The following VWCE variants were observed in gnomAD, a reference collection of about 807,000 sequenced individuals.
VWCE encodes the protein von Willebrand factor C and EGF domain-containing protein.
A neutral mutation model predicts 102.9 loss-of-function variants in VWCE; 68 were observed. The ratio of observed to expected loss-of-function variants is 0.66; its 90% CI spans 0.54 to 0.81. The LOEUF (loss-of-function observed/expected upper bound fraction) is 0.81. VWCE is among the 30% of genes least tolerant of loss of function. VWCE has a pLI of 0.00. For missense variants in VWCE, 1,137 were observed against 1,263.6 expected (o/e 0.90, Z 1.52); for synonymous variants, 497 against 515.4 (o/e 0.96, Z 0.48).
chr11:61,265,492 A>G (rs1404143137), intron 16 of VWCE, among the ~76,000 whole-genome samples: 1 of 152,148 alleles, frequency 6.6e-6, no homozygotes, highest in Admixed American at 6.5e-5. Flanking sequence ...ATAAGCACCA[A>G]AACCCGATAG....
intron 11 of VWCE, among the ~76,000 whole-genome samples, chr11:61,276,079 T>C (rs1854895161): frequency 1.3e-5 from 2 of 152,166 alleles, no homozygotes; most frequent in South Asian, 4.1e-4. Flanking sequence ...CTCCATCGCA[T>C]ACTCAAAAGA....
chr11:61,274,621 TG>T (rs781665403), intron 11 of VWCE, 37 bp from the exon 12 acceptor site: 1 of 1,605,562 alleles, frequency 6.2e-7, no homozygotes, highest in African/African-American at 1.3e-5. Context: ...TCAAGGTCTT[TG>T]GGCAGAGGCA....
chr11:61,283,990 A>G (rs1003492348), intron 5 of VWCE, among the ~76,000 whole-genome samples: 11 of 152,300 alleles, frequency 7.2e-5, no homozygotes, highest in African/African-American at 7.2e-5. Context: ...AGGCAAGTCT[A>G]TTTACCCTGA....
rs1854716803 is a variant in VWCE at position 61,271,861 on chromosome 11, ATCAC to A, written c.1700-105_1700-102del. On this transcript the variant is annotated intron_variant, in intron 13 of 19. Coordinates refer to ENST00000335613, the MANE Select transcript of VWCE (RefSeq NM_152718.2). ...CGCACAAACACACACAGACACCGAT[ATCAC>A]TCACACACGGACACACAAACTTACA... 23 of 1,007,946 alleles carry A rather than the reference ATCAC, an allele frequency of 2.3e-5. No homozygotes were observed. In the South Asian group the frequency reaches 3.0e-4, roughly 13 times the overall value. The allele number at this position is 1,007,946 out of a possible 1,614,324, so 62.4% of individuals were successfully genotyped here. A position where few individuals can be genotyped will look rare whatever the true frequency, so the allele number is the denominator to read the frequency against.
Position 61,280,688 on chromosome 11 carries a change from C to G in VWCE, c.1260G>C (p.Arg420Ser). Residue 420 changes from arginine to serine, a missense_variant, in exon 9 of 20, where the codon AGG (arginine) becomes AGC (serine). Arg to Ser is a moderately radical substitution (Grantham distance 110). This residue lies in a region of VWCE where 575 missense variants were observed against 625.9 expected (regional missense o/e 0.92). Coordinates refer to ENST00000335613, the MANE Select transcript of VWCE (RefSeq NM_152718.2). ...EDGKVTCEKVRCEAACSHPIP... is the reference protein window; with the variant it reads ...EDGKVTCEKVSCEAACSHPIP... The stretch of plus-strand genomic sequence containing the variant: ...TTGGGTGGGAACAAGCAGCTTCACA[C>G]CTCACCTTTTCACAGGTCACCTTCC... 1 of 1,614,064 alleles carries G rather than the reference C, an allele frequency of 6.2e-7. No individual in the cohort carries two copies. The highest frequency in any genetic ancestry group is 1.1e-5 in the South Asian group (1 of 91,072).
chr11:61,268,821 G>C, intron 15 of VWCE, 101 bp downstream of exon 15: 1 of 1,194,522 alleles, frequency 8.4e-7, no homozygotes, highest in Non-Finnish European at 1.2e-6. Context: ...TTGTCCCTTG[G>C]GGTTGTTAGG....
intron 6 of VWCE, among the ~76,000 whole-genome samples, 186 bp from the exon 7 acceptor site, chr11:61,282,100 G>C (rs1160088096): frequency 6.6e-6 from 1 of 152,220 alleles, no homozygotes. Context: ...TGCTTGTCTT[G>C]TTAATAGGTT....
chr11:61,267,138 G>A (rs1397262080), intron 16 of VWCE, among the ~76,000 whole-genome samples: 2 of 152,024 alleles, frequency 1.3e-5, no homozygotes, highest in African/African-American at 4.8e-5. Context: ...CATGCCTGTG[G>A]TCCCAGCTAC....
In VWCE at chr11:61,281,069, C is replaced by T. The variant is rs1855113303; in HGVS notation, c.954G>A (p.Leu318=). 3 of 1,601,904 alleles carry T rather than the reference C, an allele frequency of 1.9e-6. No individual in the cohort carries two copies. The highest frequency in any genetic ancestry group is 2.6e-6 in the Non-Finnish European group (3 of 1,173,658). The change falls in exon 8 of 20, where the codon CTG becomes CTA. Residue 318 remains leucine, a synonymous_variant. Coordinates refer to ENST00000335613, the MANE Select transcript of VWCE (RefSeq NM_152718.2). Reference sequence around the variant, plus strand: ...TGGGTAGTCGTGGGGTGGGAGATGGCAGGCGGGTGGTCCTGACTCCGGCTG... The same window carrying T: ...TGGGTAGTCGTGGGGTGGGAGATGGTAGGCGGGTGGTCCTGACTCCGGCTG... ...GPPAGVRTTR[L]PSPTPRLPTS... is the part of the protein sequence containing the mutation.
At chr11:61,261,342 G>A (rs1854352715) in intron 19 of VWCE, among the ~76,000 whole-genome samples, 1 of 152,140 alleles carries the variant, frequency 6.6e-6, no homozygotes, top group Non-Finnish European at 1.5e-5. Context: ...ATAGATGGTT[G>A]CGTAACTCTA....
intron 7 of VWCE, among the ~76,000 whole-genome samples, 181 bp downstream of exon 7, chr11:61,281,605 G>C (rs972089646): frequency 3.3e-5 from 5 of 152,158 alleles, no homozygotes; most frequent in Non-Finnish European, 5.9e-5. Context: ...CAAGGGCAGA[G>C]CAGAAAGGGA....
intron 11 of VWCE, 45 bp downstream of exon 11, chr11:61,276,548 C>G: frequency 8.8e-7 from 1 of 1,138,784 alleles, no homozygotes; most frequent in Admixed American, 2.9e-5. Context: ...TACAAAAAAT[C>G]TAAAAAAAAA....
rs892737516 is a variant in VWCE, at chr11:61,270,746, G to C, written c.1785+929C>G. ...CACTCCCTCAGTTATCCATGCCTGG[G>C]GAAAACCTTCTATGAAGATTCCTAA... On this transcript the variant is annotated intron_variant, in intron 14 of 19. Transcript: ENST00000335613. Among the ~76,000 whole-genome samples, 35 of 152,092 alleles carry C rather than the reference G, an allele frequency of 2.3e-4. 1 individual carries two copies. Among genetic ancestry groups the C allele is most frequent in the African/African-American group, 7.0e-4 (29 of 41,464 alleles).
At position 61,281,034 on chromosome 11, in the gene VWCE, G is replaced by T. The variant is rs1855110023; in HGVS notation, c.989C>A (p.Pro330His). The T allele has an allele frequency of 2.5e-6, 4 of 1,581,234 alleles. No individual in the cohort carries two copies. Among genetic ancestry groups the T allele is most frequent in the Non-Finnish European group, 3.4e-6 (4 of 1,163,346 alleles). Residue 330 changes from proline (P) to histidine (H), a missense_variant, in exon 8 of 20, where the codon CCT becomes CAT. Physicochemically the swap from Pro to His is moderately conservative, Grantham distance 77 (BLOSUM62 -2). Around this residue, in one of 5 missense-constraint regions of VWCE, gnomAD observed 575 missense variants for 625.9 expected, o/e 0.92. Coordinates refer to ENST00000335613, the MANE Select transcript of VWCE (RefSeq NM_152718.2). ...SPTPRLPTSS[P>H]SAPVWLLSTL... ...GGACAGCAGCCACACAGGGGCAGAA[G>T]GGGAGGATGTGGGTAGTCGTGGGGT...
chr11:61,265,127 C>T lies in VWCE; in HGVS notation c.2051G>A (p.Cys684Tyr), dbSNP rs1321266853. 1 of 1,606,438 alleles carries T rather than the reference C, an allele frequency of 6.2e-7. No homozygotes were observed. Among genetic ancestry groups the T allele is most frequent in the Admixed American group, 1.7e-5 (1 of 59,086 alleles). The change falls in exon 17 of 20, where the codon TGC (cysteine) becomes TAC (tyrosine). Residue 684 changes from cysteine to tyrosine, a missense_variant. Transcript: ENST00000335613. Reference protein sequence around the residue: ...FHPDGECCPVCRDCNYEGRKV... With the variant: ...FHPDGECCPVYRDCNYEGRKV... ...GGGCAGCTGGTCCCACTCACCTCGG[C>T]ACACGGGGCAGCACTCCCCGTCAGG...
At position 61,278,412 on chromosome 11, in the gene VWCE, G is replaced by A. The variant is rs746235722; in HGVS notation, c.1389C>T (p.Cys463=). ...CGCTTACCAGACAGACACAGACGGTGCAGTTCTCATTGGGAGGTGAAAACA... is the reference window on the plus strand; with the variant it reads ...CGCTTACCAGACAGACACAGACGGTACAGTTCTCATTGGGAGGTGAAAACA... The part of the protein sequence containing the change: ...GDVFSPPNEN[C]TVCVCLAGNV... Residue 463 remains cysteine (C), a synonymous_variant, in exon 10 of 20, where the codon TGC becomes TGT. Coordinates refer to ENST00000335613, the MANE Select transcript of VWCE (RefSeq NM_152718.2). 2 of 1,614,194 alleles carry A rather than the reference G, an allele frequency of 1.2e-6. No homozygotes were observed. Among genetic ancestry groups the A allele is most frequent in the Non-Finnish European group, 1.7e-6 (2 of 1,180,040 alleles).
chr11:61,273,500 G>T (rs1590629817), intron 12 of VWCE, among the ~76,000 whole-genome samples, 184 bp from the exon 13 acceptor site: 1 of 152,062 alleles, frequency 6.6e-6, no homozygotes, highest in African/African-American at 2.4e-5. Flanking sequence ...GGGGTGGGGG[G>T]AACTGGGAGT....
intron 13 of VWCE, 103 bp from the exon 14 acceptor site, chr11:61,271,863 C>T: frequency 1.0e-6 from 1 of 980,556 alleles, no homozygotes; most frequent in Non-Finnish European, 1.6e-6. Flanking sequence ...ACACCGATAT[C>T]ACTCACACAC....
intron 9 of VWCE, 51 bp downstream of exon 9, chr11:61,280,573 G>T: frequency 6.3e-7 from 1 of 1,580,334 alleles, no homozygotes; most frequent in Non-Finnish European, 8.7e-7. Context: ...GCAGGAGGGT[G>T]CAGAGAAAGG....
Sources: gnomAD v4.1 joint callset for allele counts (sites outside exome capture counted in the v4.1 genomes callset) on GRCh38, gnomAD v4.1.1 for gene constraint, gnomAD v4.1.1 regional missense constraint, MANE v1.5 for transcripts, NCBI Gene and HGNC (gene_info 2026-07-23, HGNC 2026-07-21) for gene names.